Variants in PTCH1 observed in about 807,000 individuals in gnomAD.
The protein encoded by PTCH1 is patched 1.
In PTCH1, 14 loss-of-function variants were observed where a neutral mutation model predicts 144.6. The observed-to-expected ratio is 0.10, with a 90% CI of 0.06 to 0.15. The LOEUF (loss-of-function observed/expected upper bound fraction) is 0.15, where lower values mean the gene tolerates loss of function less well. PTCH1 is among the 10% of genes least tolerant of loss of function. The probability of loss-of-function intolerance (pLI) is 1.00; values close to 1 mark genes in which losing one functional copy is unlikely to be tolerated. For synonymous variants in PTCH1, 833 were observed against 793.6 expected (o/e 1.05, Z -0.83); for missense variants, 1,623 against 1,948.3 (o/e 0.83, Z 3.14).
At chr9:95,460,880 C>T (rs534235082) in intron 16 of PTCH1, among the ~76,000 whole-genome samples, 1 of 152,306 alleles carries the variant, frequency 6.6e-6, no homozygotes, top group South Asian at 2.1e-4. Flanking sequence ...TGCCTGCATC[C>T]TTGGGAAACG....
intron 22 of PTCH1, 123 bp from the exon 23 acceptor site, chr9:95,447,574 G>A: frequency 2.9e-6 from 3 of 1,018,518 alleles, no homozygotes; most frequent in Non-Finnish European, 4.2e-6. Flanking sequence ...GCCAATGGGG[G>A]CCTTCCACCC....
intron 20 of PTCH1, chr9:95,451,673 C>T (rs1302781125): frequency 6.6e-6 from 1 of 152,126 alleles, no homozygotes; most frequent in Non-Finnish European, 1.5e-5. Context: ...TATGGGGGTC[C>T]CCATTATTTG....
At chr9:95,506,626 G>A (rs1462242839) in intron 1 of PTCH1, 27 bp from the exon 2 acceptor site, 6 of 1,556,434 alleles carry the variant, frequency 3.9e-6, no homozygotes, top group Non-Finnish European at 5.2e-6. Context: ...AGGGAGGAGT[G>A]AGCGCCGGGG....
intron 5 of PTCH1, among the ~76,000 whole-genome samples, chr9:95,481,644 A>C (rs1425265329): frequency 6.6e-6 from 1 of 152,250 alleles, no homozygotes; most frequent in Non-Finnish European, 1.5e-5. Flanking sequence ...CTTCGAAACT[A>C]CGAACATTTT....
Position 95,446,161 on chromosome 9 carries a change from G to C in PTCH1, c.*232C>G. 1 of 334,246 alleles carries C rather than the reference G, an allele frequency of 3.0e-6. No homozygotes were observed. The highest frequency in any genetic ancestry group is 5.9e-6 in the Non-Finnish European group (1 of 168,878). 20.7% of individuals were successfully genotyped at this position (334,246 alleles called of 1,614,324 possible). A position where few individuals can be genotyped will look rare whatever the true frequency, so the allele number is the denominator to read the frequency against. ...CTGGGGCAGGAGTGGAGAAGCCCCA[G>C]ATCATACCACTTTACATCCTTCCTT... On this transcript the variant is annotated 3_prime_UTR_variant, in exon 24 of 24. Coordinates refer to ENST00000331920, the MANE Select transcript of PTCH1 (RefSeq NM_000264.5).
chr9:95,472,037 CAAAAA>C (rs1564039717), intron 12 of PTCH1, among the ~76,000 whole-genome samples: 1 of 152,028 alleles, frequency 6.6e-6, no homozygotes, highest in Non-Finnish European at 1.5e-5. Context: ...GACTCCGTCT[CAAAAA>C]AGAAAAGCAA....
In PTCH1 at chr9:95,508,794, C is replaced by A; in HGVS notation, c.-433G>T. ...ACCCCTTCACTGCAGAAAGAGCCAG[C>A]GAATCCCCGCTGCTCCCGCCGGCCG... On this transcript the variant is annotated 5_prime_UTR_variant, in exon 1 of 24. Transcript: ENST00000331920. 1 of 984,776 alleles carries A rather than the reference C, an allele frequency of 1.0e-6. No individual in the cohort carries two copies. Among genetic ancestry groups the A allele is most frequent in the East Asian group, 1.1e-4 (1 of 8,788 alleles). The allele number at this position is 984,776 out of a possible 1,614,324, so 61.0% of individuals were successfully genotyped here.
chr9:95,507,938 A>AC, intron 1 of PTCH1: 1 of 1,446,450 alleles, frequency 6.9e-7, no homozygotes, highest in South Asian at 1.4e-5. Flanking sequence ...ACACACCTCC[A>AC]CCCCCTGCGG....
At chr9:95,498,467 CA>C (rs1232961510) in intron 2 of PTCH1, among the ~76,000 whole-genome samples, 1 of 152,192 alleles carries the variant, frequency 6.6e-6, no homozygotes, top group Non-Finnish European at 1.5e-5. Context: ...TTTTTCCAGC[CA>C]TGCTCTAAAC....
At chr9:95,455,182 T>TA (rs1210414911) in intron 19 of PTCH1, among the ~76,000 whole-genome samples, 4 of 151,912 alleles carry the variant, frequency 2.6e-5, no homozygotes, top group Non-Finnish European at 5.9e-5. Flanking sequence ...TGATACACTG[T>TA]AAAAAAAATG....
intron 12 of PTCH1, among the ~76,000 whole-genome samples, chr9:95,475,574 G>C (rs1007971215): frequency 7.2e-5 from 11 of 152,174 alleles, no homozygotes; most frequent in African/African-American, 2.7e-4. Flanking sequence ...GCTTAATACT[G>C]TCTTGGGTTG....
intron 2 of PTCH1, among the ~76,000 whole-genome samples, chr9:95,496,899 C>T (rs545043678): frequency 1.3e-5 from 2 of 150,548 alleles, no homozygotes; most frequent in East Asian, 3.9e-4. Context: ...GCTGGTTTCC[C>T]AGTAAAGGAG....
At chr9:95,452,808 T>C (rs1029798578) in intron 20 of PTCH1, 2 of 153,408 alleles carry the variant, frequency 1.3e-5, no homozygotes, top group Admixed American at 6.4e-5. Flanking sequence ...TATTTTTAAG[T>C]TTTCCTTTCT....
intron 2 of PTCH1, 140 bp downstream of exon 2, chr9:95,506,267 A>G: frequency 1.0e-6 from 1 of 984,780 alleles, no homozygotes; most frequent in South Asian, 1.7e-5. Context: ...CCAGGCGCCC[A>G]AACAATAAAC....
intron 12 of PTCH1, among the ~76,000 whole-genome samples, chr9:95,473,028 T>C (rs28706464): frequency 0.12 from 18,693 of 152,230 alleles, 1,290 homozygotes; most frequent in African/African-American, 0.18. Context: ...AGGTTCCACT[T>C]GAACCCTCCT....
intron 12 of PTCH1, among the ~76,000 whole-genome samples, chr9:95,472,497 G>C (rs1287077797): frequency 6.6e-6 from 1 of 152,164 alleles, no homozygotes; most frequent in Admixed American, 6.6e-5. Context: ...ATGTCATCCT[G>C]GGGGCCGAAT....
chr9:95,446,162 A>G lies in PTCH1; in HGVS notation c.*231T>C, dbSNP rs28401363. 0.02 allele frequency: 6,645 copies of G among 334,020 alleles called. 108 individuals are homozygous for G. The highest frequency in any genetic ancestry group is 0.029 in the Non-Finnish European group (4,939 of 168,618). The allele number at this position is 334,020 out of a possible 1,614,324, so 20.7% of individuals were successfully genotyped here. A position where few individuals can be genotyped will look rare whatever the true frequency, so the allele number is the denominator to read the frequency against. ...TGGGGCAGGAGTGGAGAAGCCCCAG[A>G]TCATACCACTTTACATCCTTCCTTC... On this transcript the variant is annotated 3_prime_UTR_variant, in exon 24 of 24. Coordinates refer to ENST00000331920, the MANE Select transcript of PTCH1 (RefSeq NM_000264.5).
In PTCH1 at chr9:95,508,344, G is replaced by T. The variant is rs878853848; in HGVS notation, c.18C>A (p.Asn6Lys). The T allele has an allele frequency of 8.0e-7, 1 of 1,246,948 alleles. No homozygotes were observed. The highest frequency in any genetic ancestry group is 1.6e-5 in the African/African-American group (1 of 62,976). The allele number at this position is 1,246,948 out of a possible 1,614,324, so 77.2% of individuals were successfully genotyped here. MASAGNAAEPQDRGGG... is the reference protein window; with the variant it reads MASAGKAAEPQDRGGG... ...CGCCGCGGTCCTGGGGCTCGGCGGCGTTACCAGCCGAGGCCATGTTGCCGC... is the reference window on the plus strand; with the variant it reads ...CGCCGCGGTCCTGGGGCTCGGCGGCTTTACCAGCCGAGGCCATGTTGCCGC... The change falls in exon 1 of 24, where the codon AAC becomes AAA. Residue 6 changes from asparagine (N) to lysine (K), a missense_variant. Coordinates refer to ENST00000331920, the MANE Select transcript of PTCH1 (RefSeq NM_000264.5).
chr9:95,462,798 T>TGG (rs1839615963), intron 15 of PTCH1, among the ~76,000 whole-genome samples: 1 of 152,100 alleles, frequency 6.6e-6, no homozygotes, highest in Non-Finnish European at 1.5e-5. Flanking sequence ...TTTCTGGGCC[T>TGG]GGGGGATGGG....
Sources: allele counts gnomAD v4.1 joint callset (sites outside exome capture counted in the v4.1 genomes callset), GRCh38; gene constraint gnomAD v4.1.1; transcripts MANE v1.5; gene names NCBI Gene and HGNC (gene_info 2026-07-23, HGNC 2026-07-21).